TTYH3: variants seen among roughly 807,000 people sequenced by gnomAD.
TTYH3 encodes the protein protein tweety homolog 3.
A neutral mutation model predicts 68.2 loss-of-function variants in TTYH3; 23 were observed. That is an observed-to-expected ratio of 0.34 (90% confidence interval 0.24 to 0.48). The LOEUF is 0.48. Ranked by LOEUF, TTYH3 falls within the 20% of genes least tolerant of loss-of-function variation. The pLI, the probability that TTYH3 is intolerant of heterozygous loss-of-function variation, is 0.99. For synonymous variants in TTYH3, 360 were observed against 332.8 expected (o/e 1.08, Z -0.89); for missense variants, 768 against 727.7 (o/e 1.06, Z -0.64).
Position 2,662,162 on chromosome 7 carries a change from T to A in TTYH3, c.*423T>A. The A allele has an allele frequency of 3.1e-6, 1 of 323,252 alleles. No homozygotes were observed. The highest frequency in any genetic ancestry group is 2.2e-5 in the African/African-American group (1 of 45,324). 20.0% of individuals were successfully genotyped at this position (323,252 alleles called of 1,614,324 possible). On this transcript the variant is annotated 3_prime_UTR_variant, in exon 14 of 14. Transcript: ENST00000258796. Reference sequence around the variant, plus strand: ...CACAGGCACGGCTGGGGCCGCTCTGTGCTGGCGCCTGCTGGCCACTGAGGG... The same window carrying A: ...CACAGGCACGGCTGGGGCCGCTCTGAGCTGGCGCCTGCTGGCCACTGAGGG...
At chr7:2,661,217 C>T (rs1325885276) in intron 13 of TTYH3, among the ~76,000 whole-genome samples, 1 of 152,204 alleles carries the variant, frequency 6.6e-6, no homozygotes, top group Non-Finnish European at 1.5e-5. Flanking sequence ...GTAGGTGGAC[C>T]CGGCCCTGAG....
chr7:2,637,922 G>A (rs1785723467), intron 1 of TTYH3, among the ~76,000 whole-genome samples: 1 of 152,198 alleles, frequency 6.6e-6, no homozygotes, highest in African/African-American at 2.4e-5. Context: ...GGGTGTGGGA[G>A]GAAGCCGGGC....
At chr7:2,649,862 C>T (rs750362792) in intron 6 of TTYH3, 51 bp from the exon 7 acceptor site, 2 of 1,603,704 alleles carry the variant, frequency 1.2e-6, no homozygotes, top group South Asian at 2.2e-5. Flanking sequence ...CGAGAGCTTC[C>T]CTTTAGGCCC....
intron 1 of TTYH3, among the ~76,000 whole-genome samples, chr7:2,637,179 C>G (rs1039227002): frequency 7.9e-6 from 1 of 127,338 alleles, no homozygotes; most frequent in African/African-American, 3.1e-5. Flanking sequence ...CCATGGTGAC[C>G]CTTCTTCCTC....
chr7:2,642,777 C>A (rs1293558265), intron 1 of TTYH3, among the ~76,000 whole-genome samples: 1 of 142,302 alleles, frequency 7.0e-6, no homozygotes, highest in African/African-American at 2.6e-5. Context: ...AAATCGTAGA[C>A]TTGGGCTGGG....
chr7:2,647,493 C>T lies in TTYH3; in HGVS notation c.481C>T (p.Arg161Trp), dbSNP rs1324791509. 4 of 1,537,596 alleles carry T rather than the reference C, an allele frequency of 2.6e-6. No homozygotes were observed. Among genetic ancestry groups the T allele is most frequent in the Admixed American group, 2.0e-5 (1 of 50,856 alleles). Residue 161 changes from arginine to tryptophan, a missense_variant, in exon 4 of 14, where the codon CGG (arginine) becomes TGG (tryptophan). By Grantham distance (101) the Arg-to-Trp change is moderately radical. Coordinates refer to ENST00000258796, the MANE Select transcript of TTYH3 (RefSeq NM_025250.3). ...LQTLERQLAG[R>W]PEPLRAVQRL... is the part of the protein sequence containing the mutation. The stretch of plus-strand genomic sequence containing the variant: ...GACCCTGGAGCGGCAGCTGGCCGGG[C>T]GGCCCGAGCCCCTGCGAGCCGTACA...
chr7:2,664,338 G>A lies in TTYH3; in HGVS notation c.*2599G>A, dbSNP rs1289704919. On this transcript the variant is annotated 3_prime_UTR_variant, in exon 14 of 14. Coordinates refer to ENST00000258796, the MANE Select transcript of TTYH3 (RefSeq NM_025250.3). ...CAGCTCTGCCCCAGCCCTGAGAGGGGTGGTGAGGCAGCCCCCTGGACCCCA... is the reference window on the plus strand; with the variant it reads ...CAGCTCTGCCCCAGCCCTGAGAGGGATGGTGAGGCAGCCCCCTGGACCCCA... 3 of 152,668 alleles carry A rather than the reference G, an allele frequency of 2.0e-5. No homozygotes were observed. The highest frequency in any genetic ancestry group is 4.4e-5 in the Non-Finnish European group (3 of 68,038). 9.5% of individuals were successfully genotyped at this position (152,668 alleles called of 1,614,324 possible).
At chr7:2,646,705 C>A in intron 1 of TTYH3, 148 bp from the exon 2 acceptor site, 1 of 841,528 alleles carries the variant, frequency 1.2e-6, no homozygotes, top group Non-Finnish European at 1.8e-6. Context: ...AGACTCCATG[C>A]CTCACCTACA....
intron 1 of TTYH3, among the ~76,000 whole-genome samples, chr7:2,643,811 C>CAGCGGGGT (rs112707413): frequency 0.26 from 39,621 of 152,040 alleles, 6,427 homozygotes; most frequent in African/African-American, 0.46. Flanking sequence ...GCGGAGGTCA[C>CAGCGGGGT]ACCTGTTTAG....
At chr7:2,652,269 G>T (rs1269375817) in intron 8 of TTYH3, 27 bp downstream of exon 8, 1 of 1,606,138 alleles carries the variant, frequency 6.2e-7, no homozygotes, top group Admixed American at 1.7e-5. Flanking sequence ...CCGGGACTGG[G>T]CTTCAGGAGA....
In TTYH3 at chr7:2,658,317, G is replaced by A. The variant is rs372351500; in HGVS notation, c.1282G>A (p.Ala428Thr). Residue 428 changes from alanine (A) to threonine (T), a missense_variant, in exon 12 of 14, where the codon GCT (alanine) becomes ACT (threonine). Physicochemically the swap from Ala to Thr is moderately conservative, Grantham distance 58 (BLOSUM62 0). Coordinates refer to ENST00000258796, the MANE Select transcript of TTYH3 (RefSeq NM_025250.3). ...GPDEDGEEEA[A>T]PGPRQAHDSL... is the part of the protein sequence containing the mutation. ...TGATGAGGACGGGGAGGAGGAGGCCGCTCCAGGGCCGCGGCAGGCGCACGA... is the reference window on the plus strand; with the variant it reads ...TGATGAGGACGGGGAGGAGGAGGCCACTCCAGGGCCGCGGCAGGCGCACGA... 19 of 1,598,018 alleles carry A rather than the reference G, an allele frequency of 1.2e-5. No individual in the cohort carries two copies. In the African/African-American group the frequency reaches 1.6e-4, roughly 13 times the overall value.
intron 9 of TTYH3, 106 bp downstream of exon 9, chr7:2,653,116 C>A: frequency 2.0e-6 from 2 of 1,017,182 alleles, no homozygotes; most frequent in African/African-American, 1.6e-5. Context: ...GGAGAAGGCA[C>A]CAGGCTGGCC....
chr7:2,660,901 A>ACATGCAT, intron 13 of TTYH3, among the ~76,000 whole-genome samples: 1 of 152,294 alleles, frequency 6.6e-6, no homozygotes, highest in South Asian at 2.1e-4. Flanking sequence ...GTGAGCACAC[A>ACATGCAT]CATGCATTCT....
intron 6 of TTYH3, 53 bp downstream of exon 6, chr7:2,649,692 AG>A: frequency 6.4e-7 from 1 of 1,555,520 alleles, no homozygotes; most frequent in Non-Finnish European, 8.7e-7. Context: ...GCACTGGGGG[AG>A]GGACGAGGGG....
At chr7:2,660,004 C>T (rs764971744) in intron 13 of TTYH3, 70 of 1,303,902 alleles carry the variant, frequency 5.4e-5, no homozygotes, top group South Asian at 1.1e-4. Flanking sequence ...ATGGACAGTG[C>T]CCGAACGCTG....
intron 8 of TTYH3, 82 bp downstream of exon 8, chr7:2,652,324 C>A: frequency 7.9e-7 from 1 of 1,261,782 alleles, no homozygotes; most frequent in Non-Finnish European, 1.1e-6. Context: ...GCAGGCCTGG[C>A]GCCTGGCTCC....
At chr7:2,649,323 C>T (rs1786094899) in intron 5 of TTYH3, among the ~76,000 whole-genome samples, 1 of 152,130 alleles carries the variant, frequency 6.6e-6, no homozygotes, top group South Asian at 2.1e-4. Context: ...GCCCCAAGAG[C>T]CACGTGGCCC....
At chr7:2,642,775 G>A (rs10242833) in intron 1 of TTYH3, among the ~76,000 whole-genome samples, 1 of 142,702 alleles carries the variant, frequency 7.0e-6, no homozygotes, top group Non-Finnish European at 1.5e-5. Context: ...TTAAATCGTA[G>A]ACTTGGGCTG....
At chr7:2,659,896 T>C (rs1250620507) in intron 13 of TTYH3, 3 of 1,204,504 alleles carry the variant, frequency 2.5e-6, no homozygotes, top group Non-Finnish European at 3.3e-6. Flanking sequence ...CCACACTCTC[T>C]CTCTCTCTCT....
Sources: gnomAD v4.1 joint callset for allele counts (sites outside exome capture counted in the v4.1 genomes callset) on GRCh38, gnomAD v4.1.1 for gene constraint, MANE v1.5 for transcripts, NCBI Gene and HGNC (gene_info 2026-07-23, HGNC 2026-07-21) for gene names.